Variants in SNX7 observed in about 807,000 individuals in gnomAD.
The protein encoded by SNX7 is sorting nexin-7.
SNX7 carries 35 observed loss-of-function variants against 48.4 expected under a neutral mutation model. That is an observed-to-expected ratio of 0.72 (90% CI 0.55 to 0.96). The LOEUF is 0.96. Ranked by LOEUF, SNX7 falls within the 40% of genes least tolerant of loss-of-function variation. The pLI, the probability that SNX7 is intolerant of heterozygous loss-of-function variation, is 0.00. For missense variants in SNX7, 553 were observed against 548.9 expected (o/e 1.01, Z -0.07); for synonymous variants, 190 against 190.2 (o/e 1.00, Z 0.01).
At chr1:98,701,660 A>T (rs1470879562) in intron 6 of SNX7, among the ~76,000 whole-genome samples, 157 bp from the exon 7 acceptor site, 1 of 4,230 alleles carries the variant, frequency 2.4e-4, no homozygotes, top group Middle Eastern at 0.1. Context: ...AGAGAGTAAC[A>T]AAAAAAAAAA....
intron 7 of SNX7, among the ~76,000 whole-genome samples, chr1:98,706,662 C>T (rs1327782093): frequency 6.6e-6 from 1 of 152,084 alleles, no homozygotes; most frequent in East Asian, 1.9e-4. Context: ...GAGAGTAGCT[C>T]TTAAAGTATT....
intron 1 of SNX7, among the ~76,000 whole-genome samples, chr1:98,680,089 A>T (rs545711914): frequency 1.2e-4 from 18 of 152,326 alleles, no homozygotes; most frequent in African/African-American, 4.3e-4. Flanking sequence ...AGGCATTTCC[A>T]TACATCCTCT....
chr1:98,748,808 A>G (rs929635829), intron 8 of SNX7, among the ~76,000 whole-genome samples: 1 of 152,122 alleles, frequency 6.6e-6, no homozygotes, highest in Non-Finnish European at 1.5e-5. Context: ...AAACTGCCAA[A>G]TAGAGGTATT....
At chr1:98,704,823 A>C (rs546000543) in intron 7 of SNX7, among the ~76,000 whole-genome samples, 1 of 152,340 alleles carries the variant, frequency 6.6e-6, no homozygotes, top group Admixed American at 6.5e-5. Flanking sequence ...TGCTACGTGC[A>C]AACCCAGCAA....
intron 8 of SNX7, among the ~76,000 whole-genome samples, chr1:98,755,242 G>A (rs900510888): frequency 1.3e-5 from 2 of 152,058 alleles, no homozygotes; most frequent in African/African-American, 2.4e-5. Context: ...ATTGGTAAAT[G>A]TTTTATGGGC....
chr1:98,684,215 C>T (rs1005206426), intron 1 of SNX7, among the ~76,000 whole-genome samples: 6 of 152,176 alleles, frequency 3.9e-5, no homozygotes, highest in Non-Finnish European at 8.8e-5. Flanking sequence ...GATCAGATCT[C>T]CAGTTTCCAA....
At chr1:98,716,476 A>G (rs1032269747) in intron 7 of SNX7, among the ~76,000 whole-genome samples, 1 of 152,180 alleles carries the variant, frequency 6.6e-6, no homozygotes, top group Non-Finnish European at 1.5e-5. Context: ...TGAAGGGAAA[A>G]GAGAAAGGAA....
chr1:98,747,934 A>G (rs1042226213), intron 8 of SNX7, among the ~76,000 whole-genome samples: 1 of 148,588 alleles, frequency 6.7e-6, no homozygotes, highest in Non-Finnish European at 1.5e-5. Flanking sequence ...ACCTTTTATT[A>G]TGTGTCGTAT....
At chr1:98,679,095 A>G (rs1043693607) in intron 1 of SNX7, among the ~76,000 whole-genome samples, 9 of 152,210 alleles carry the variant, frequency 5.9e-5, no homozygotes, top group Non-Finnish European at 8.8e-5. Flanking sequence ...CAATTTATAT[A>G]GGAAAAAGGG....
At chr1:98,731,838 T>C (rs1164797338) in intron 7 of SNX7, among the ~76,000 whole-genome samples, 2 of 152,170 alleles carry the variant, frequency 1.3e-5, no homozygotes, top group South Asian at 4.1e-4. Context: ...AATGTTGTTA[T>C]GTGGCACATG....
At chr1:98,724,584 A>G (rs1016996918) in intron 7 of SNX7, among the ~76,000 whole-genome samples, 1 of 152,176 alleles carries the variant, frequency 6.6e-6, no homozygotes. Flanking sequence ...TGACCTTACT[A>G]TTGTATGTAT....
intron 1 of SNX7, among the ~76,000 whole-genome samples, chr1:98,677,634 C>G (rs1161529267): frequency 6.6e-6 from 1 of 152,116 alleles, no homozygotes; most frequent in Non-Finnish European, 1.5e-5. Flanking sequence ...AATCCCAGCA[C>G]TTTGGTAGGC....
intron 8 of SNX7, among the ~76,000 whole-genome samples, chr1:98,745,374 A>G (rs1312410577): frequency 6.6e-6 from 1 of 152,028 alleles, no homozygotes; most frequent in East Asian, 1.9e-4. Flanking sequence ...TATCCAGGAC[A>G]GGGAATTTTG....
intron 1 of SNX7, among the ~76,000 whole-genome samples, chr1:98,665,662 C>T (rs1439588605): frequency 1.3e-5 from 2 of 152,158 alleles, no homozygotes; most frequent in Non-Finnish European, 2.9e-5. Context: ...AATCTTGGCT[C>T]ACTGCAACCT....
intron 1 of SNX7, among the ~76,000 whole-genome samples, chr1:98,678,643 G>A (rs9659654): frequency 0.26 from 39,334 of 152,044 alleles, 5,461 homozygotes; most frequent in South Asian, 0.31. Flanking sequence ...TGAAGACATA[G>A]CAAAAACATA....
At chr1:98,735,924 G>T (rs1166523341) in intron 7 of SNX7, among the ~76,000 whole-genome samples, 1 of 152,094 alleles carries the variant, frequency 6.6e-6, no homozygotes, top group Middle Eastern at 3.2e-3. Context: ...CCTTCTTTCT[G>T]CAGGTGACAG....
chr1:98,735,981 C>T (rs1230135467), intron 7 of SNX7, among the ~76,000 whole-genome samples: 1 of 152,132 alleles, frequency 6.6e-6, no homozygotes, highest in African/African-American at 2.4e-5. Flanking sequence ...TCTCTAGGAA[C>T]ACAGTACCTG....
chr1:98,667,966 G>T (rs1329605103), intron 1 of SNX7, among the ~76,000 whole-genome samples: 1 of 150,930 alleles, frequency 6.6e-6, no homozygotes, highest in Non-Finnish European at 1.5e-5. Context: ...AAACAAAATA[G>T]GGCTGATCCA....
At chr1:98,723,074 C>G (rs986891389) in intron 7 of SNX7, among the ~76,000 whole-genome samples, 1 of 152,080 alleles carries the variant, frequency 6.6e-6, no homozygotes. Flanking sequence ...TACATCCCAA[C>G]AGAAAAGTAC....
Sources: allele counts gnomAD v4.1 joint callset (sites outside exome capture counted in the v4.1 genomes callset), GRCh38; gene constraint gnomAD v4.1.1; transcripts MANE v1.5; gene names NCBI Gene and HGNC (gene_info 2026-07-23, HGNC 2026-07-21).